Variants in RELN observed in about 807,000 individuals in gnomAD.
RELN encodes reelin.
In RELN, 108 loss-of-function variants were observed where a neutral mutation model predicts 427.6. The observed-to-expected ratio is 0.25, with a 90% CI of 0.22 to 0.30. The LOEUF (loss-of-function observed/expected upper bound fraction) is 0.30. Among genes scored for constraint, RELN ranks in the 10% least tolerant of loss-of-function variants. RELN has a pLI of 1.00. For missense variants in RELN, 3,715 were observed against 4,302.8 expected (o/e 0.86, Z 3.82); for synonymous variants, 1,524 against 1,513.4 (o/e 1.01, Z -0.16).
At chr7:103,770,967 T>C (rs1791554530) in intron 4 of RELN, among the ~76,000 whole-genome samples, 1 of 145,440 alleles carries the variant, frequency 6.9e-6, no homozygotes, top group Admixed American at 7.2e-5. Flanking sequence ...CAGGCTGGAA[T>C]GTAGTGGCAC....
At chr7:103,815,544 T>A (rs1448970537) in intron 3 of RELN, among the ~76,000 whole-genome samples, 2 of 152,252 alleles carry the variant, frequency 1.3e-5, no homozygotes, top group Non-Finnish European at 2.9e-5. Context: ...TGATTCATAC[T>A]TCTCCATCAA....
chr7:103,661,301 A>G (rs1833133710), intron 12 of RELN, 75 bp downstream of exon 12: 2 of 1,467,198 alleles, frequency 1.4e-6, no homozygotes, highest in African/African-American at 1.4e-5. Flanking sequence ...ACAACAAACA[A>G]TCTTACTTCC....
At chr7:103,557,274 G>T (rs1262000652) in intron 37 of RELN, 115 bp from the exon 38 acceptor site, 1 of 905,864 alleles carries the variant, frequency 1.1e-6, no homozygotes, top group African/African-American at 1.6e-5. Flanking sequence ...TTACATGGAA[G>T]CTTTATAGTC....
At chr7:103,540,595 A>G in intron 43 of RELN, 140 bp from the exon 44 acceptor site, 1 of 754,490 alleles carries the variant, frequency 1.3e-6, no homozygotes, top group Non-Finnish European at 2.2e-6. Flanking sequence ...CAAAGCAATC[A>G]CTTCAAAGTC....
chr7:103,748,072 T>A (rs1790891118), intron 6 of RELN, among the ~76,000 whole-genome samples: 1 of 149,532 alleles, frequency 6.7e-6, no homozygotes, highest in Admixed American at 6.7e-5. Flanking sequence ...TCTATATTAA[T>A]GGCATATAAA....
At chr7:103,604,324 T>A in intron 23 of RELN, 22 bp downstream of exon 23, 1 of 1,613,570 alleles carries the variant, frequency 6.2e-7, no homozygotes, top group Non-Finnish European at 8.5e-7. Context: ...ATGGACCTCA[T>A]CGTGCTTTCT....
intron 16 of RELN, among the ~76,000 whole-genome samples, chr7:103,643,352 CTACCTG>C (rs1832732208): frequency 6.6e-6 from 1 of 152,044 alleles, no homozygotes; most frequent in Admixed American, 6.6e-5. Flanking sequence ...TGCTATTAAT[CTACCTG>C]TAATTAAAAT....
At chr7:103,843,300 G>A (rs1348644849) in intron 2 of RELN, among the ~76,000 whole-genome samples, 1 of 151,986 alleles carries the variant, frequency 6.6e-6, no homozygotes, top group African/African-American at 2.4e-5. Flanking sequence ...AACTTTCCAG[G>A]CTCAAGCAAT....
chr7:103,656,460 GGGAA>G (rs71819000), intron 12 of RELN, among the ~76,000 whole-genome samples: 14,173 of 151,964 alleles, frequency 0.093, 923 homozygotes, highest in African/African-American at 0.18. Context: ...AGCTGAGCCA[GGGAA>G]GGAGAGAGTT....
intron 2 of RELN, among the ~76,000 whole-genome samples, chr7:103,849,312 G>T (rs1458034639): frequency 9.3e-6 from 1 of 107,210 alleles, no homozygotes; most frequent in African/African-American, 3.8e-5. Context: ...TATATCTTAA[G>T]ATTTTTTTCA....
rs112466990 is a variant in RELN at position 103,635,082 on chromosome 7, A to G, written c.2465+343T>C. Among the ~76,000 whole-genome samples, 592 of 152,146 alleles carry G rather than the reference A, an allele frequency of 3.9e-3. 3 individuals are homozygous for G. The highest frequency in any genetic ancestry group is 6.6e-3 in the Non-Finnish European group (450 of 67,994). On this transcript the variant is annotated intron_variant, in intron 19 of 64. Transcript: ENST00000428762. Reference sequence around the variant, plus strand: ...CACCATGTTGACCAGGATGGTCTCAATCTCCTGACCTCGTGATCTGCCTGC... The same window carrying G: ...CACCATGTTGACCAGGATGGTCTCAGTCTCCTGACCTCGTGATCTGCCTGC...
intron 8 of RELN, among the ~76,000 whole-genome samples, chr7:103,720,585 C>A (rs10272484): frequency 0.01 from 1,563 of 152,140 alleles, 37 homozygotes; most frequent in African/African-American, 0.036. Flanking sequence ...CCACAGTACA[C>A]AAGGAAATGT....
intron 11 of RELN, among the ~76,000 whole-genome samples, chr7:103,665,381 TAA>T (rs1833242101): frequency 1.3e-5 from 2 of 149,660 alleles, no homozygotes; most frequent in African/African-American, 4.9e-5. Context: ...TATATATATA[TAA>T]AATCTGTATA....
chr7:103,911,241 A>G (rs1795358460), intron 2 of RELN, among the ~76,000 whole-genome samples: 1 of 146,954 alleles, frequency 6.8e-6, no homozygotes, highest in Non-Finnish European at 1.5e-5. Context: ...CAGCCAAAAA[A>G]CACATGAAAA....
intron 12 of RELN, 31 bp downstream of exon 12, chr7:103,661,345 C>G (rs201164798): frequency 3.4e-5 from 55 of 1,611,164 alleles, no homozygotes; most frequent in Non-Finnish European, 4.5e-5. Flanking sequence ...ATTTGCCCCA[C>G]GGTGAACAAA....
chr7:103,722,744 C>T (rs1385822325), intron 8 of RELN, among the ~76,000 whole-genome samples: 3 of 152,228 alleles, frequency 2.0e-5, no homozygotes, highest in Admixed American at 6.5e-5. Flanking sequence ...TGGTTTCTTT[C>T]GGTTACCAGT....
intron 3 of RELN, among the ~76,000 whole-genome samples, chr7:103,799,135 T>C (rs905063936): frequency 4.6e-5 from 7 of 152,184 alleles, no homozygotes; most frequent in South Asian, 4.1e-4. Flanking sequence ...ACCTTACTAG[T>C]AATATTGAAT....
chr7:103,698,648 G>T (rs1834028592), intron 9 of RELN, among the ~76,000 whole-genome samples: 1 of 152,016 alleles, frequency 6.6e-6, no homozygotes, highest in South Asian at 2.1e-4. Flanking sequence ...GAGTAGCTAG[G>T]ACTACAGGCA....
chr7:103,951,682 T>A (rs1235691992), intron 1 of RELN, among the ~76,000 whole-genome samples: 1 of 152,068 alleles, frequency 6.6e-6, no homozygotes, highest in Admixed American at 6.5e-5. Flanking sequence ...TAGCCTTTTT[T>A]TTTTTTAAAA....
Sources: gnomAD v4.1 joint callset for allele counts (sites outside exome capture counted in the v4.1 genomes callset) on GRCh38, gnomAD v4.1.1 for gene constraint, MANE v1.5 for transcripts, NCBI Gene and HGNC (gene_info 2026-07-23, HGNC 2026-07-21) for gene names.